Variants in TMC1 observed in about 807,000 individuals in gnomAD.
TMC1 encodes transmembrane channel-like protein 1.
TMC1 carries 84 observed loss-of-function variants against 105.8 expected under a neutral mutation model. That is an observed-to-expected ratio of 0.79 (90% CI 0.67 to 0.95). The LOEUF is 0.95. Among genes scored for constraint, TMC1 ranks in the 40% least tolerant of loss-of-function variants. The pLI, the probability that TMC1 is intolerant of heterozygous loss-of-function variation, is 0.00. For missense variants in TMC1, 817 were observed against 914.1 expected (o/e 0.89, Z 1.37); for synonymous variants, 315 against 311.5 (o/e 1.01, Z -0.12).
At chr9:72,654,849 C>T (rs2166174) in intron 5 of TMC1, among the ~76,000 whole-genome samples, 15,170 of 151,504 alleles carry the variant, frequency 0.1, 937 homozygotes, top group African/African-American at 0.16. Context: ...TTTCCTTCTG[C>T]CTGAATAACT....
chr9:72,601,595 A>G (rs1297948789), intron 2 of TMC1, among the ~76,000 whole-genome samples: 1 of 152,184 alleles, frequency 6.6e-6, no homozygotes, highest in Non-Finnish European at 1.5e-5. Flanking sequence ...TAGTGAGCTG[A>G]GATCGTGCTC....
At chr9:72,709,488 G>C (rs911999153) in intron 8 of TMC1, among the ~76,000 whole-genome samples, 23 of 151,812 alleles carry the variant, frequency 1.5e-4, no homozygotes, top group African/African-American at 5.6e-4. Context: ...ACTTTTTTTT[G>C]TTGGTAATTT....
At chr9:72,634,066 T>A (rs1588002108) in intron 4 of TMC1, among the ~76,000 whole-genome samples, 1 of 151,494 alleles carries the variant, frequency 6.6e-6, no homozygotes, top group Non-Finnish European at 1.5e-5. Context: ...GGGGCTAGGG[T>A]TTTTAAGGAT....
At chr9:72,789,062 A>C (rs1828218736) in intron 14 of TMC1, 61 bp from the exon 15 acceptor site, 1 of 1,529,144 alleles carries the variant, frequency 6.5e-7, no homozygotes, top group African/African-American at 1.4e-5. Flanking sequence ...GATACTTTTA[A>C]AATGTAGCTA....
rs570869481 is a variant in TMC1, at chr9:72,608,988, A to G, written c.-305-7380A>G. On this transcript the variant is annotated intron_variant, in intron 2 of 23. Transcript: ENST00000297784. ...TAAAAACAAAAACACCACTACCACCACTACCAAAAATCTCAAGTACCTGCT... is the reference window on the plus strand; with the variant it reads ...TAAAAACAAAAACACCACTACCACCGCTACCAAAAATCTCAAGTACCTGCT... Among the ~76,000 whole-genome samples the G allele has an allele frequency of 1.3e-3, 202 of 152,132 alleles. 1 individual carries two copies. Among genetic ancestry groups the G allele is most frequent in the African/African-American group, 4.6e-3 (193 of 41,506 alleles).
intron 5 of TMC1, among the ~76,000 whole-genome samples, chr9:72,680,966 C>T (rs769206457): frequency 3.3e-5 from 5 of 152,056 alleles, no homozygotes; most frequent in Non-Finnish European, 5.9e-5. Flanking sequence ...CCCTGAAAAC[C>T]ATTCTTCTTC....
chr9:72,694,513 A>G (rs779336002), intron 6 of TMC1, 30 bp from the exon 7 acceptor site: 26 of 1,606,630 alleles, frequency 1.6e-5, no homozygotes, highest in Non-Finnish European at 2.1e-5. Flanking sequence ...ACTTTCTGAC[A>G]TTACTCATTG....
At chr9:72,742,588 C>A in intron 10 of TMC1, 63 bp downstream of exon 10, 4 of 1,330,304 alleles carry the variant, frequency 3.0e-6, no homozygotes, top group Middle Eastern at 1.8e-4. Context: ...ATAAGCTTAT[C>A]AGATGCCTTT....
intron 5 of TMC1, among the ~76,000 whole-genome samples, chr9:72,668,575 T>C (rs779106076): frequency 6.6e-6 from 1 of 152,058 alleles, no homozygotes; most frequent in Non-Finnish European, 1.5e-5. Flanking sequence ...CAAGAGAGAG[T>C]AGAGTTAATT....
intron 2 of TMC1, among the ~76,000 whole-genome samples, chr9:72,584,784 C>CTTT (rs71357591): frequency 3.5e-5 from 4 of 112,984 alleles, no homozygotes; most frequent in Admixed American, 2.0e-4. Context: ...CTTTTCTTTT[C>CTTT]TTTTTTTTTT....
intron 5 of TMC1, among the ~76,000 whole-genome samples, chr9:72,662,281 G>A (rs1313803613): frequency 1.3e-5 from 2 of 150,506 alleles, no homozygotes; most frequent in African/African-American, 2.5e-5. Context: ...CCACCTCCCC[G>A]GTCCAAGCGA....
chr9:72,664,837 C>G (rs2132163698), intron 5 of TMC1, among the ~76,000 whole-genome samples: 1 of 152,312 alleles, frequency 6.6e-6, no homozygotes, highest in Middle Eastern at 3.4e-3. Context: ...CAAGAGGGCA[C>G]TGAGCTGGTT....
intron 19 of TMC1, among the ~76,000 whole-genome samples, chr9:72,819,566 A>G (rs1373770881): frequency 6.6e-6 from 1 of 152,220 alleles, no homozygotes; most frequent in Non-Finnish European, 1.5e-5. Flanking sequence ...GTAAAATATC[A>G]TTCGTATCTA....
chr9:72,579,801 C>A (rs954799666), intron 2 of TMC1, among the ~76,000 whole-genome samples: 3 of 152,080 alleles, frequency 2.0e-5, no homozygotes, highest in African/African-American at 7.2e-5. Context: ...GTGGGTAGAT[C>A]ACTTGAGCCC....
intron 6 of TMC1, 34 bp from the exon 7 acceptor site, chr9:72,694,509 T>G (rs1013417509): frequency 6.2e-7 from 1 of 1,603,834 alleles, no homozygotes; most frequent in Non-Finnish European, 8.5e-7. Flanking sequence ...AAGCACTTTC[T>G]GACATTACTC....
chr9:72,612,354 T>G (rs1461791460), intron 2 of TMC1, among the ~76,000 whole-genome samples: 1 of 152,084 alleles, frequency 6.6e-6, no homozygotes, highest in African/African-American at 2.4e-5. Flanking sequence ...GTATTTTTTT[T>G]GTAGAGACAG....
rs1449242285 is a variant in TMC1, at chr9:72,810,071, C to T, written c.1695+4561C>T. ...TTCAAGAGATGAAAGAAAGAATTCCCGGTGGAGGGACAAGTGTAAGACAGA... is the reference window on the plus strand; with the variant it reads ...TTCAAGAGATGAAAGAAAGAATTCCTGGTGGAGGGACAAGTGTAAGACAGA... On this transcript the variant is annotated intron_variant, in intron 18 of 23. Coordinates refer to ENST00000297784, the MANE Select transcript of TMC1 (RefSeq NM_138691.3). 4.7e-5 allele frequency among the ~76,000 whole-genome samples: 7 copies of T among 148,936 alleles called. 1 individual carries two copies. In the South Asian group the frequency reaches 8.6e-4, roughly 18 times the overall value.
intron 19 of TMC1, among the ~76,000 whole-genome samples, chr9:72,819,155 ACCCAGAC>A (rs1387480832): frequency 5.3e-5 from 8 of 152,198 alleles, no homozygotes; most frequent in African/African-American, 1.9e-4. Flanking sequence ...CACTTTAGAG[ACCCAGAC>A]TGATGGAATA....
intron 1 of TMC1, among the ~76,000 whole-genome samples, chr9:72,566,537 C>T (rs1824157214): frequency 6.6e-6 from 1 of 152,016 alleles, no homozygotes; most frequent in African/African-American, 2.4e-5. Context: ...GGAAAATGGA[C>T]CACAGAGGTT....
Sources: gnomAD v4.1 joint callset for allele counts (sites outside exome capture counted in the v4.1 genomes callset) on GRCh38, gnomAD v4.1.1 for gene constraint, MANE v1.5 for transcripts, NCBI Gene and HGNC (gene_info 2026-07-23, HGNC 2026-07-21) for gene names.